The following C3orf20 variants were observed in gnomAD, a reference collection of about 807,000 sequenced individuals.
The protein encoded by C3orf20 is family with sequence similarity 149 member C, also known as uncharacterized protein C3orf20.
Under a neutral mutation model 88.3 loss-of-function variants are expected in C3orf20, and 76 were observed. The ratio of observed to expected loss-of-function variants is 0.86; its 90% CI spans 0.72 to 1.04. The LOEUF (loss-of-function observed/expected upper bound fraction) is 1.04, where lower values mean the gene tolerates loss of function less well. C3orf20 is among the 50% of genes least tolerant of loss of function. C3orf20 has a pLI of 0.00. For missense variants in C3orf20, 1,056 were observed against 1,123.3 expected (o/e 0.94, Z 0.86); for synonymous variants, 436 against 437.4 (o/e 1.00, Z 0.04).
At chr3:14,724,404 G>A (rs2034278335) in intron 10 of C3orf20, among the ~76,000 whole-genome samples, 2 of 152,118 alleles carry the variant, frequency 1.3e-5, no homozygotes, top group Admixed American at 1.3e-4. Flanking sequence ...CTCAGTCTGT[G>A]TACCCAACAA....
At chr3:14,733,342 T>C (rs2034600280) in intron 12 of C3orf20, among the ~76,000 whole-genome samples, 1 of 152,214 alleles carries the variant, frequency 6.6e-6, no homozygotes, top group Admixed American at 6.5e-5. Context: ...GGTTATGATA[T>C]ATTTCCTTTT....
intron 12 of C3orf20, among the ~76,000 whole-genome samples, chr3:14,755,624 G>A (rs1229773258): frequency 6.6e-6 from 1 of 152,164 alleles, no homozygotes; most frequent in Non-Finnish European, 1.5e-5. Flanking sequence ...CATTGCTCTT[G>A]TTTCAGGATG....
chr3:14,696,752 C>T (rs1351534548), intron 5 of C3orf20, among the ~76,000 whole-genome samples: 1 of 151,750 alleles, frequency 6.6e-6, no homozygotes, highest in African/African-American at 2.4e-5. Context: ...ACCTCAGTAA[C>T]AGTGTTGTAA....
At chr3:14,704,218 G>GTA in intron 6 of C3orf20, 119 bp from the exon 7 acceptor site, 2 of 1,056,566 alleles carry the variant, frequency 1.9e-6, no homozygotes, top group Non-Finnish European at 2.7e-6. Context: ...TTGGGGATGT[G>GTA]TACTTTGGGG....
intron 12 of C3orf20, among the ~76,000 whole-genome samples, chr3:14,750,899 C>T (rs1016848387): frequency 2.6e-5 from 4 of 152,132 alleles, no homozygotes; most frequent in Non-Finnish European, 4.4e-5. Context: ...CTGCTCCTTT[C>T]TTTCCTGTCC....
At chr3:14,704,954 T>C (rs543827976) in intron 7 of C3orf20, among the ~76,000 whole-genome samples, 1 of 152,300 alleles carries the variant, frequency 6.6e-6, no homozygotes, top group East Asian at 1.9e-4. Flanking sequence ...AAACAAATCA[T>C]GTCTAGTGGA....
At chr3:14,716,227 A>C (rs377236463) in intron 9 of C3orf20, among the ~76,000 whole-genome samples, 274 of 152,354 alleles carry the variant, frequency 1.8e-3, no homozygotes, top group Non-Finnish European at 3.4e-3. Context: ...CCAATCAGAG[A>C]TTGGAAGGAG....
intron 14 of C3orf20, 131 bp downstream of exon 14, chr3:14,760,129 A>G (rs2035514484): frequency 6.9e-6 from 5 of 725,812 alleles, no homozygotes. Flanking sequence ...TTATCTCCCC[A>G]CCGTGGCTGA....
At chr3:14,769,967 C>G (rs2035816249) in intron 15 of C3orf20, among the ~76,000 whole-genome samples, 1 of 152,134 alleles carries the variant, frequency 6.6e-6, no homozygotes, top group South Asian at 2.1e-4. Context: ...GTGAGGGGGA[C>G]CATGCTTCTT....
chr3:14,767,006 G>C (rs1258970866), intron 15 of C3orf20: 1 of 152,410 alleles, frequency 6.6e-6, no homozygotes, highest in Non-Finnish European at 1.5e-5. Context: ...CAGGAGACCA[G>C]CGAGGGCCGG....
At chr3:14,675,705 A>G (rs1044502865) in intron 1 of C3orf20, among the ~76,000 whole-genome samples, 1 of 151,310 alleles carries the variant, frequency 6.6e-6, no homozygotes, top group African/African-American at 2.4e-5. Flanking sequence ...TTATTTATTT[A>G]TTTATTTATT....
At chr3:14,709,789 G>A (rs7622324) in intron 7 of C3orf20, among the ~76,000 whole-genome samples, 140,326 of 152,292 alleles carry the variant, frequency 0.92, 64,821 homozygotes, top group African/African-American at 0.98. Flanking sequence ...TTTTGTTAAG[G>A]TATTTTATGT....
At chr3:14,712,457 C>A (rs1175601183) in intron 7 of C3orf20, among the ~76,000 whole-genome samples, 2 of 151,992 alleles carry the variant, frequency 1.3e-5, no homozygotes, top group East Asian at 3.9e-4. Flanking sequence ...TTATGATAGC[C>A]CTAGGAAACT....
intron 10 of C3orf20, 104 bp downstream of exon 10, chr3:14,721,888 C>A: frequency 2.8e-6 from 4 of 1,421,688 alleles, no homozygotes; most frequent in Non-Finnish European, 3.9e-6. Context: ...CACCACCCTT[C>A]CATGCAAGGC....
At chr3:14,697,326 AG>A in intron 5 of C3orf20, among the ~76,000 whole-genome samples, 1 of 151,808 alleles carries the variant, frequency 6.6e-6, no homozygotes, top group East Asian at 1.9e-4. Context: ...TGCCCTTTTG[AG>A]GTTATTTTCT....
intron 1 of C3orf20, among the ~76,000 whole-genome samples, chr3:14,677,178 C>T (rs748463331): frequency 4.6e-5 from 7 of 152,074 alleles, no homozygotes; most frequent in African/African-American, 4.8e-5. Flanking sequence ...CAGAGAACAC[C>T]GTGACCAGAT....
At chr3:14,726,564 G>A (rs2034354843) in intron 10 of C3orf20, among the ~76,000 whole-genome samples, 1 of 152,226 alleles carries the variant, frequency 6.6e-6, no homozygotes, top group Admixed American at 6.5e-5. Context: ...CCAGAAGCTT[G>A]CAGTCTAGTG....
At chr3:14,704,715 G>A (rs1243487233) in intron 7 of C3orf20, 97 bp downstream of exon 7, 105 of 1,454,192 alleles carry the variant, frequency 7.2e-5, no homozygotes, top group Non-Finnish European at 9.3e-5. Flanking sequence ...GGGCCTTTTA[G>A]TTATCAGAGA....
At chr3:14,680,782 C>A (rs1209290197) in intron 1 of C3orf20, among the ~76,000 whole-genome samples, 6 of 152,162 alleles carry the variant, frequency 3.9e-5, no homozygotes, top group Admixed American at 6.5e-5. Context: ...TATTAGTTAT[C>A]TCCTTCTTCT....
Sources: gnomAD v4.1 joint callset for allele counts (sites outside exome capture counted in the v4.1 genomes callset) on GRCh38, gnomAD v4.1.1 for gene constraint, MANE v1.5 for transcripts, NCBI Gene and HGNC (gene_info 2026-07-23, HGNC 2026-07-21) for gene names.